The following MTRF1 variants were observed in gnomAD, a reference collection of about 807,000 sequenced individuals.
The protein encoded by MTRF1 is peptide chain release factor 1, mitochondrial.
Under a neutral mutation model 62.9 loss-of-function variants are expected in MTRF1, and 51 were observed. The ratio of observed to expected loss-of-function variants is 0.81; its 90% CI spans 0.65 to 1.02. The LOEUF is 1.02. Ranked by LOEUF, MTRF1 falls within the 50% of genes least tolerant of loss-of-function variation. The pLI is 0.00. For synonymous variants in MTRF1, 158 were observed against 181.9 expected (o/e 0.87, Z 1.06); for missense variants, 446 against 530.0 (o/e 0.84, Z 1.56).
chr13:41,220,548 A>G (rs765088360), intron 9 of MTRF1: 2 of 1,276,322 alleles, frequency 1.6e-6, no homozygotes, highest in Admixed American at 2.3e-5. Context: ...TAACAGAAGA[A>G]GTCATAATGA....
chr13:41,292,679 T>C, the MTRF1 span, among the ~76,000 whole-genome samples: 1 of 151,778 alleles, frequency 6.6e-6, no homozygotes, highest in African/African-American at 2.4e-5. Flanking sequence ...TAGCACTTTG[T>C]GAAGCAAAGG....
At chr13:41,256,196 T>C (rs2139143508) in intron 2 of MTRF1, among the ~76,000 whole-genome samples, 1 of 152,202 alleles carries the variant, frequency 6.6e-6, no homozygotes, top group Admixed American at 6.5e-5. Context: ...GATTACAATA[T>C]GAGATGGGGG....
the MTRF1 span, among the ~76,000 whole-genome samples, chr13:41,273,568 G>A: frequency 5.9e-5 from 9 of 151,988 alleles, no homozygotes; most frequent in Non-Finnish European, 2.9e-5. Flanking sequence ...ACTTATGTAA[G>A]ATGAGCTGGG....
chr13:41,268,261 G>T (rs954339347), upstream of MTRF1, among the ~76,000 whole-genome samples: 8 of 152,148 alleles, frequency 5.3e-5, no homozygotes, highest in African/African-American at 1.9e-4. Flanking sequence ...AATGCTTCCT[G>T]TGTAATTTTT....
chr13:41,260,771 C>T lies in MTRF1; in HGVS notation c.137G>A (p.Arg46Lys), dbSNP rs2040353867. 5 of 1,614,200 alleles carry T rather than the reference C, an allele frequency of 3.1e-6. No individual in the cohort carries two copies. Among genetic ancestry groups the T allele is most frequent in the Non-Finnish European group, 4.2e-6 (5 of 1,180,032 alleles). Residue 46 changes from arginine to lysine, a missense_variant, in exon 2 of 10, where the codon AGG (arginine) becomes AAG (lysine). Arg to Lys is a conservative substitution (Grantham distance 26). Transcript: ENST00000379480. ...ACTTAACAGATGAAGAATGCAATTC[C>T]TGTTTTGTCTAAAAACTTGCAGCCT... Reference protein sequence around the residue: ...DTRLQVFRQNRNCILHLLSKN... With the variant: ...DTRLQVFRQNKNCILHLLSKN...
At chr13:41,255,950 C>A (rs1275229961) in intron 2 of MTRF1, among the ~76,000 whole-genome samples, 2 of 151,966 alleles carry the variant, frequency 1.3e-5, no homozygotes, top group Non-Finnish European at 2.9e-5. Context: ...AAAATTCCGA[C>A]CCTTAATAAT....
the MTRF1 span, among the ~76,000 whole-genome samples, chr13:41,289,208 T>G: frequency 6.6e-6 from 1 of 151,320 alleles, no homozygotes; most frequent in African/African-American, 2.4e-5. Flanking sequence ...TTGATTGGAT[T>G]TGTGCAGTGA....
At chr13:41,224,852 A>T (rs1050644589) in intron 8 of MTRF1, among the ~76,000 whole-genome samples, 1 of 152,238 alleles carries the variant, frequency 6.6e-6, no homozygotes, top group Non-Finnish European at 1.5e-5. Flanking sequence ...TTGGCTTGTC[A>T]ATCAGACTAC....
At chr13:41,263,353 G>A (rs1167337149) in intron 1 of MTRF1, 132 bp downstream of exon 1, 2 of 1,272,050 alleles carry the variant, frequency 1.6e-6, no homozygotes, top group South Asian at 1.2e-5. Context: ...TCTGAGTGTA[G>A]GCAGGTCAGA....
At chr13:41,298,157 C>T in the MTRF1 span, among the ~76,000 whole-genome samples, 138,987 of 152,244 alleles carry the variant, frequency 0.91, 63,606 homozygotes, top group African/African-American at 0.96. Flanking sequence ...TAGACAATTG[C>T]TTTAGTTGCA....
the MTRF1 span, chr13:41,311,197 C>T: frequency 6.4e-6 from 3 of 465,770 alleles, no homozygotes; most frequent in East Asian, 4.2e-5. Context: ...CACCCGCAGC[C>T]CCTCGCCAAA....
chr13:41,287,728 G>A, the MTRF1 span: 132 of 176,222 alleles, frequency 7.5e-4, no homozygotes, highest in African/African-American at 2.9e-3. Context: ...CTAAGAATGA[G>A]AGGCTCAGAC....
chr13:41,308,717 T>A, the MTRF1 span, among the ~76,000 whole-genome samples: 3 of 152,300 alleles, frequency 2.0e-5, no homozygotes, highest in South Asian at 6.2e-4. Context: ...ACTTTTATTT[T>A]TTTCTTTCCA....
chr13:41,266,885 C>T (rs9532763), upstream of MTRF1, among the ~76,000 whole-genome samples: 79,092 of 150,778 alleles, frequency 0.52, 21,510 homozygotes, highest in South Asian at 0.62. Context: ...GTCCCAGCTA[C>T]TTGGGAGGCT....
intron 5 of MTRF1, among the ~76,000 whole-genome samples, chr13:41,250,780 T>G (rs2038973710): frequency 6.6e-6 from 1 of 152,218 alleles, no homozygotes; most frequent in Non-Finnish European, 1.5e-5. Flanking sequence ...TACTGACTAT[T>G]TCTAAGTGGA....
the MTRF1 span, among the ~76,000 whole-genome samples, chr13:41,287,161 A>G: frequency 6.6e-6 from 1 of 152,234 alleles, no homozygotes; most frequent in Admixed American, 6.5e-5. Context: ...TCAGTTATTT[A>G]TAAAGAAAAG....
the MTRF1 span, chr13:41,311,717 C>T: frequency 1.7e-5 from 13 of 772,204 alleles, no homozygotes; most frequent in Non-Finnish European, 2.3e-5. Context: ...CCTCGGAGGT[C>T]GCGGGACCCC....
At chr13:41,311,397 T>C in the MTRF1 span, 6 of 840,776 alleles carry the variant, frequency 7.1e-6, no homozygotes, top group African/African-American at 8.7e-5. Context: ...ATTGCAACTG[T>C]AGACCAATGA....
At position 41,223,536 on chromosome 13, in the gene MTRF1, C is replaced by T. The variant is rs78262862; in HGVS notation, c.1126-182G>A. On this transcript the variant is annotated intron_variant, in intron 8 of 9. Transcript: ENST00000379480. ...TTTAATACTACAGGTTTGTAGAGCTCGGTTATAGAATAAGAAGGAATGTTT... is the reference window on the plus strand; with the variant it reads ...TTTAATACTACAGGTTTGTAGAGCTTGGTTATAGAATAAGAAGGAATGTTT... Among the ~76,000 whole-genome samples, 629 of 152,142 alleles carry T rather than the reference C, an allele frequency of 4.1e-3. 9 individuals carry two copies. Among genetic ancestry groups the T allele is most frequent in the East Asian group, 0.034 (175 of 5,188 alleles).
Sources: gnomAD v4.1 joint callset for allele counts (sites outside exome capture counted in the v4.1 genomes callset) on GRCh38, gnomAD v4.1.1 for gene constraint, MANE v1.5 for transcripts, NCBI Gene and HGNC (gene_info 2026-07-23, HGNC 2026-07-21) for gene names.